The following ST8SIA5 variants were observed in gnomAD, a reference collection of about 807,000 sequenced individuals.
ST8SIA5 encodes the protein alpha-2,8-sialyltransferase 8E.
Under a neutral mutation model 40.2 loss-of-function variants are expected in ST8SIA5, and 24 were observed. The ratio of observed to expected loss-of-function variants is 0.60; its 90% confidence interval spans 0.43 to 0.84. ST8SIA5 has a LOEUF of 0.84. Among genes scored for constraint, ST8SIA5 ranks in the 40% least tolerant of loss-of-function variants. The probability of loss-of-function intolerance (pLI) is 0.00; values close to 1 mark genes in which losing one functional copy is unlikely to be tolerated. For missense variants in ST8SIA5, 465 were observed against 498.5 expected, an observed-to-expected ratio of 0.93 and a Z score of 0.64; for synonymous variants, 198 against 201.8, an observed-to-expected ratio of 0.98 and a Z score of 0.16.
At chr18:46,696,152 G>C (rs931582858) in intron 2 of ST8SIA5, among the ~76,000 whole-genome samples, 2 of 152,230 alleles carry the variant, frequency 1.3e-5, no homozygotes, top group African/African-American at 4.8e-5. Context: ...TGAGAGAAAA[G>C]TGAGTGCAAA....
intron 2 of ST8SIA5, among the ~76,000 whole-genome samples, chr18:46,697,901 A>T (rs1371554059): frequency 1.3e-5 from 2 of 152,244 alleles, no homozygotes; most frequent in African/African-American, 4.8e-5. Flanking sequence ...GGAAAAAAAA[A>T]TGGATACTTC....
At position 46,678,756 on chromosome 18, in the gene ST8SIA5, A is replaced by G. The variant is rs2039356841; in HGVS notation, c.*1286T>C. The G allele has an allele frequency of 6.6e-6, 1 of 152,298 alleles. No individual in the cohort carries two copies. Among genetic ancestry groups the G allele is most frequent in the Admixed American group, 6.5e-5 (1 of 15,278 alleles). 9.4% of individuals were successfully genotyped at this position (152,298 alleles called of 1,614,324 possible). A position where few individuals can be genotyped will look rare whatever the true frequency, so the allele number is the denominator to read the frequency against. On this transcript the variant is annotated 3_prime_UTR_variant, in exon 7 of 7. Coordinates refer to ENST00000315087, the MANE Select transcript of ST8SIA5 (RefSeq NM_013305.6). ...AGGCTGAAGTCCTCCTCCCAGCACTAACATCCTATGATTCCACAAAGCTAA... is the reference window on the plus strand; with the variant it reads ...AGGCTGAAGTCCTCCTCCCAGCACTGACATCCTATGATTCCACAAAGCTAA...
intron 1 of ST8SIA5, among the ~76,000 whole-genome samples, chr18:46,710,372 TTTC>T (rs1568262985): frequency 7.8e-4 from 30 of 38,570 alleles, no homozygotes; most frequent in Non-Finnish European, 1.7e-3. Flanking sequence ...CTTTTCTTTC[TTTC>T]TTTCTTTCTT....
intron 4 of ST8SIA5, among the ~76,000 whole-genome samples, chr18:46,687,953 G>T (rs1282896123): frequency 6.6e-6 from 1 of 152,192 alleles, no homozygotes; most frequent in East Asian, 1.9e-4. Flanking sequence ...GGCTGAAAGC[G>T]CAGGTTCCAG....
chr18:46,704,430 G>A (rs1482320154), intron 2 of ST8SIA5, 142 bp downstream of exon 2: 5 of 720,034 alleles, frequency 6.9e-6, no homozygotes, highest in African/African-American at 1.8e-5. Flanking sequence ...CAGTGGCTCT[G>A]GGGAAGGAGA....
rs10633981 is a variant in ST8SIA5, at chr18:46,671,397, CTG to C, written c.*8643_*8644del. The stretch of plus-strand genomic sequence containing the variant: ...TCCTGGGCTCACGGCAGTCCTGGTG[CTG>C]TGTTTCCTCATTGCTACCTTCCATG... On this transcript the variant is annotated 3_prime_UTR_variant, in exon 7 of 7. Coordinates refer to ENST00000315087, the MANE Select transcript of ST8SIA5 (RefSeq NM_013305.6). 2.6e-5 allele frequency: 4 copies of C among 151,980 alleles called. No individual in the cohort carries two copies. Among genetic ancestry groups the C allele is most frequent in the South Asian group, 2.1e-4 (1 of 4,820 alleles). The allele number at this position is 151,980 out of a possible 1,614,324, so 9.4% of individuals were successfully genotyped here.
chr18:46,726,028 A>C (rs1285446503), intron 1 of ST8SIA5, among the ~76,000 whole-genome samples: 2 of 113,666 alleles, frequency 1.8e-5, no homozygotes, highest in East Asian at 4.8e-4. Flanking sequence ...ATATATATAT[A>C]TCCTGGATAT....
At position 46,680,395 on chromosome 18, in the gene ST8SIA5, G is replaced by C. The variant is rs770525648; in HGVS notation, c.778C>G (p.Arg260Gly). Residue 260 changes from arginine (R) to glycine (G), a missense_variant, in exon 7 of 7, where the codon CGC becomes GGC. Physicochemically the swap from Arg to Gly is moderately radical, Grantham distance 125. Transcript: ENST00000315087. Reference protein sequence around the residue: ...YNTRNTDVSIRVKYVLDDFES... With the variant: ...YNTRNTDVSIGVKYVLDDFES... ...AAGTCGTCCAGCACGTACTTGACGC[G>C]GATGGACACGTCGGTGTTGCGCGTG... 1 of 1,613,748 alleles carries C rather than the reference G, an allele frequency of 6.2e-7. No individual in the cohort carries two copies. Among genetic ancestry groups the C allele is most frequent in the South Asian group, 1.1e-5 (1 of 91,028 alleles).
intron 1 of ST8SIA5, among the ~76,000 whole-genome samples, chr18:46,716,109 TAGATA>T (rs994408219): frequency 2.0e-5 from 3 of 150,070 alleles, no homozygotes; most frequent in African/African-American, 7.5e-5. Flanking sequence ...GATAGATAGA[TAGATA>T]GATAGATAGA....
intron 1 of ST8SIA5, among the ~76,000 whole-genome samples, chr18:46,706,708 T>C (rs1418546224): frequency 6.6e-6 from 1 of 152,174 alleles, no homozygotes; most frequent in East Asian, 1.9e-4. Context: ...GGGTTCTGGA[T>C]GCAATTTAGG....
At chr18:46,748,857 G>A (rs1414540833) in intron 1 of ST8SIA5, among the ~76,000 whole-genome samples, 1 of 152,126 alleles carries the variant, frequency 6.6e-6, no homozygotes, top group Non-Finnish European at 1.5e-5. Context: ...GGCAAACACA[G>A]AGTTACCATA....
chr18:46,718,532 T>C (rs1053413667), intron 1 of ST8SIA5, among the ~76,000 whole-genome samples: 5 of 151,998 alleles, frequency 3.3e-5, no homozygotes, highest in Non-Finnish European at 7.4e-5. Context: ...GACCACAGCC[T>C]TTTATGAGCA....
chr18:46,686,613 G>T (rs1339208707), intron 4 of ST8SIA5, among the ~76,000 whole-genome samples: 2 of 152,130 alleles, frequency 1.3e-5, no homozygotes, highest in Admixed American at 6.5e-5. Context: ...CAGCAGCCTG[G>T]TGGGGTCTCA....
In ST8SIA5 at chr18:46,747,547, T is replaced by C. The variant is rs573156443; in HGVS notation, c.131+8831A>G. Among the ~76,000 whole-genome samples, 553 of 152,134 alleles carry C rather than the reference T, an allele frequency of 3.6e-3. 2 individuals are homozygous for C. Among genetic ancestry groups the C allele is most frequent in the Non-Finnish European group, 5.2e-3 (356 of 67,986 alleles). On this transcript the variant is annotated intron_variant, in intron 1 of 6. Coordinates refer to ENST00000315087, the MANE Select transcript of ST8SIA5 (RefSeq NM_013305.6). The stretch of plus-strand genomic sequence containing the variant: ...TACCATCTCACACCAGTTAGAACGG[T>C]GATCATTAAAAAGTCAGGAAACAAC...
chr18:46,730,090 G>A, intron 1 of ST8SIA5: 2 of 825,628 alleles, frequency 2.4e-6, no homozygotes, highest in Non-Finnish European at 2.9e-6. Context: ...TGTTATCAGT[G>A]CCTCTCCATC....
At position 46,679,110 on chromosome 18, in the gene ST8SIA5, A is replaced by G. The variant is rs972879596; in HGVS notation, c.*932T>C. On this transcript the variant is annotated 3_prime_UTR_variant, in exon 7 of 7. Coordinates refer to ENST00000315087, the MANE Select transcript of ST8SIA5 (RefSeq NM_013305.6). ...ACACGATACAGCAGGATTCTGCAGG[A>G]TTCAGAGACATGAGAGGAAGAGGTC... The G allele has an allele frequency of 4.6e-5, 7 of 152,250 alleles. No homozygotes were observed. Among genetic ancestry groups the G allele is most frequent in the African/African-American group, 1.7e-4 (7 of 41,454 alleles). 9.4% of individuals were successfully genotyped at this position (152,250 alleles called of 1,614,324 possible).
At chr18:46,714,329 C>T (rs1322361823) in intron 1 of ST8SIA5, among the ~76,000 whole-genome samples, 1 of 152,208 alleles carries the variant, frequency 6.6e-6, no homozygotes, top group Admixed American at 6.5e-5. Context: ...GACTCCAACT[C>T]CCTTTTCTTT....
chr18:46,738,374 G>A lies in ST8SIA5; in HGVS notation c.131+18004C>T, dbSNP rs1349117450. ...AGGAAACTCACATCCAACACCTGGT[G>A]CAGGGCTGGGCATATGGCAGGTCAG... On this transcript the variant is annotated intron_variant, in intron 1 of 6. Coordinates refer to ENST00000315087, the MANE Select transcript of ST8SIA5 (RefSeq NM_013305.6). Among the ~76,000 whole-genome samples, 3 of 152,138 alleles carry A rather than the reference G, an allele frequency of 2.0e-5. No homozygotes were observed. The East Asian group carries it at 5.8e-4, about 29-fold the overall frequency.
At chr18:46,752,719 G>A (rs543695866) in intron 1 of ST8SIA5, among the ~76,000 whole-genome samples, 1 of 152,332 alleles carries the variant, frequency 6.6e-6, no homozygotes, top group East Asian at 1.9e-4. Flanking sequence ...GCTCTGGGCT[G>A]TCGCTAAATT....
Sources: allele counts gnomAD v4.1 joint callset (sites outside exome capture counted in the v4.1 genomes callset), GRCh38; gene constraint gnomAD v4.1.1; transcripts MANE v1.5; gene names NCBI Gene and HGNC (gene_info 2026-07-23, HGNC 2026-07-21).